The following DCUN1D5 variants were observed in gnomAD, a reference collection of about 807,000 sequenced individuals.
DCUN1D5 encodes the protein DCN1-like protein 5.
A neutral mutation model predicts 38.3 loss-of-function variants in DCUN1D5; 10 were observed. That is an observed-to-expected ratio of 0.26 (90% confidence interval 0.16 to 0.44). The LOEUF (loss-of-function observed/expected upper bound fraction) is 0.44. Among genes scored for constraint, DCUN1D5 ranks in the 20% least tolerant of loss-of-function variants. DCUN1D5 has a pLI of 1.00. For missense variants in DCUN1D5, 148 were observed against 275.3 expected, an observed-to-expected ratio of 0.54 and a Z score of 3.27; for synonymous variants, 93 against 90.9, an observed-to-expected ratio of 1.02 and a Z score of -0.13.
rs1298306752 is a variant in DCUN1D5 at position 103,086,002 on chromosome 11, G to A, written c.179-2676C>T. ...AAATATCACTCAAGAATGAGGTCTTGTGAAAGAACAAAACCAACAGCCTTA... is the reference window on the plus strand; with the variant it reads ...AAATATCACTCAAGAATGAGGTCTTATGAAAGAACAAAACCAACAGCCTTA... On this transcript the variant is annotated intron_variant, in intron 2 of 7. Coordinates refer to ENST00000260247, the MANE Select transcript of DCUN1D5 (RefSeq NM_032299.4). This position sits in a 1 kb window ranked among gnomAD's most constrained non-coding sequence, Gnocchi z 4.1. 6.6e-6 allele frequency among the ~76,000 whole-genome samples: 1 copy of A among 152,134 alleles called. No homozygotes were observed. Among genetic ancestry groups the A allele is most frequent in the African/African-American group, 2.4e-5 (1 of 41,414 alleles).
rs1448332498 is a variant in DCUN1D5 at position 103,091,935 on chromosome 11, G to A, written c.-63C>T. ...GGAAGGGGGTCCCTGTCCGCTGGAA[G>A]CCCCTCAGCGCTGGCACCCAGTTCC... On this transcript the variant is annotated 5_prime_UTR_variant, in exon 1 of 8. Transcript: ENST00000260247. The surrounding 1 kb of genome is among the most constrained non-coding windows in gnomAD (Gnocchi z 4.3). 11 of 1,465,000 alleles carry A rather than the reference G, an allele frequency of 7.5e-6. No individual in the cohort carries two copies. Among genetic ancestry groups the A allele is most frequent in the Non-Finnish European group, 9.3e-6 (10 of 1,076,818 alleles). 90.8% of individuals were successfully genotyped at this position (1,465,000 alleles called of 1,614,324 possible). A position where few individuals can be genotyped will look rare whatever the true frequency, so the allele number is the denominator to read the frequency against.
rs1220661077 is a variant in DCUN1D5 at position 103,051,326 on chromosome 11, G to T, written c.*11033C>A. The stretch of plus-strand genomic sequence containing the variant: ...CCTTCAGGAAACTTTTTTAAAAAAA[G>T]ATTTTCTGCATGGTTTATCTTGTGG... On this transcript the variant is annotated 3_prime_UTR_variant, in exon 8 of 8. Transcript: ENST00000260247. 1 of 152,158 alleles carries T rather than the reference G, an allele frequency of 6.6e-6. No individual in the cohort carries two copies. The highest frequency in any genetic ancestry group is 1.9e-4 in the East Asian group (1 of 5,184). 9.4% of individuals were successfully genotyped at this position (152,158 alleles called of 1,614,324 possible).
rs1862442615 is a variant in DCUN1D5 at position 103,077,563 on chromosome 11, TCAA to T, written c.341+5182_341+5184del. 6.6e-6 allele frequency among the ~76,000 whole-genome samples: 1 copy of T among 152,198 alleles called. No homozygotes were observed. The highest frequency in any genetic ancestry group is 1.5e-5 in the Non-Finnish European group (1 of 68,036). On this transcript the variant is annotated intron_variant, in intron 4 of 7. Transcript: ENST00000260247. The surrounding 1 kb of genome is among the most constrained non-coding windows in gnomAD (Gnocchi z 4.3). ...GAAAGAGAAGAAATGGGTATTAATT[TCAA>T]CGTTAGGACTCGGAAATTAATTTCC...
Position 103,071,506 on chromosome 11 carries a change from CTCTATA to C in DCUN1D5, c.342-4945_342-4940del, listed in dbSNP as rs1346727587. Among the ~76,000 whole-genome samples the C allele has an allele frequency of 2.3e-4, 35 of 149,916 alleles. No homozygotes were observed. Among genetic ancestry groups the C allele is most frequent in the East Asian group, 5.9e-4 (3 of 5,118 alleles). ...TATAATCTATATATAATTTTATATA[CTCTATA>C]TCTATATGATCTATAATCTATATAT... is the stretch of plus-strand genomic sequence containing the variant. On this transcript the variant is annotated intron_variant, in intron 4 of 7. Coordinates refer to ENST00000260247, the MANE Select transcript of DCUN1D5 (RefSeq NM_032299.4). The surrounding 1 kb of genome is among the most constrained non-coding windows in gnomAD (Gnocchi z 4.1).
Position 103,066,692 on chromosome 11 carries a change from A to C in DCUN1D5, c.342-125T>G, listed in dbSNP as rs1339231592. ...ATTTATGAAGTTAATTTAGTTTTAAAATTCTGAGTCACAAATTTAGAGTAA... is the reference window on the plus strand; with the variant it reads ...ATTTATGAAGTTAATTTAGTTTTAACATTCTGAGTCACAAATTTAGAGTAA... On this transcript the variant is annotated intron_variant, in intron 4 of 7. Transcript: ENST00000260247. This position sits in a 1 kb window ranked among gnomAD's most constrained non-coding sequence, Gnocchi z 4.7. 1.9e-6 allele frequency: 1 copy of C among 532,674 alleles called. No homozygotes were observed. The highest frequency in any genetic ancestry group is 3.2e-6 in the Non-Finnish European group (1 of 310,900). 33.0% of individuals were successfully genotyped at this position (532,674 alleles called of 1,614,324 possible).
At chr11:103,075,431 G>A (rs1323519955) in intron 4 of DCUN1D5, among the ~76,000 whole-genome samples, 2 of 152,096 alleles carry the variant, frequency 1.3e-5, no homozygotes, top group African/African-American at 2.4e-5. Flanking sequence ...GCCCAGGCTG[G>A]AGTGCAGAGG....
At chr11:103,072,288 T>C (rs1862290710) in intron 4 of DCUN1D5, among the ~76,000 whole-genome samples, 1 of 147,550 alleles carries the variant, frequency 6.8e-6, no homozygotes, top group Non-Finnish European at 1.5e-5. Context: ...GACTGTAAAC[T>C]AGTTCAACCA....
In DCUN1D5 at chr11:103,051,821, C is replaced by G. The variant is rs1861746075; in HGVS notation, c.*10538G>C. ...GAACACAGATCTCTGAACTCCAAAC[C>G]CAGGGCTCTTTCCAGCCTTCCTTAC... On this transcript the variant is annotated 3_prime_UTR_variant, in exon 8 of 8. Coordinates refer to ENST00000260247, the MANE Select transcript of DCUN1D5 (RefSeq NM_032299.4). 1 of 152,114 alleles carries G rather than the reference C, an allele frequency of 6.6e-6. No homozygotes were observed. The highest frequency in any genetic ancestry group is 2.4e-5 in the African/African-American group (1 of 41,424). The allele number at this position is 152,114 out of a possible 1,614,324, so 9.4% of individuals were successfully genotyped here.
rs1197825097 is a variant in DCUN1D5 at position 103,065,324 on chromosome 11, TG to T, written c.555+944del. On this transcript the variant is annotated intron_variant, in intron 6 of 7. Transcript: ENST00000260247. This position sits in a 1 kb window ranked among gnomAD's most constrained non-coding sequence, Gnocchi z 4.6. ...AAACCACCACACCCAGCTAATTTTT[TG>T]TGTGTATTTTTAGTAGAGACGGGGA... Among the ~76,000 whole-genome samples the T allele has an allele frequency of 2.5e-4, 38 of 152,074 alleles. 1 individual carries two copies. The South Asian group carries it at 7.5e-3, about 30-fold the overall frequency.
chr11:103,065,194 C>G lies in DCUN1D5; in HGVS notation c.556-817G>C, dbSNP rs1488030740. ...TGAGACAGAGTCTCGTTCTGTCACC[C>G]AGGCTGGAGTGTAGTGGTGCAATCT... is the stretch of plus-strand genomic sequence containing the variant. On this transcript the variant is annotated intron_variant, in intron 6 of 7. Coordinates refer to ENST00000260247, the MANE Select transcript of DCUN1D5 (RefSeq NM_032299.4). This position sits in a 1 kb window ranked among gnomAD's most constrained non-coding sequence, Gnocchi z 4.6. Among the ~76,000 whole-genome samples the G allele has an allele frequency of 3.3e-5, 5 of 151,772 alleles. No homozygotes were observed. Among genetic ancestry groups the G allele is most frequent in the African/African-American group, 9.7e-5 (4 of 41,310 alleles).
intron 1 of DCUN1D5, among the ~76,000 whole-genome samples, chr11:103,090,973 T>C (rs897867421): frequency 6.6e-6 from 1 of 152,228 alleles, no homozygotes; most frequent in African/African-American, 2.4e-5. Context: ...TTGCAGTTTT[T>C]TTGTAGCATA....
At position 103,066,459 on chromosome 11, in the gene DCUN1D5, C is replaced by T; in HGVS notation, c.450G>A (p.Arg150=). Reference sequence around the variant, plus strand: ...AACAAAACAAGAAAATTGCACCTACCCTTGCAAAATCAAAGGCATATCTGT... The same window carrying T: ...AACAAAACAAGAAAATTGCACCTACTCTTGCAAAATCAAAGGCATATCTGT... ...NIYRYAFDFA[R]DKDQRSLDID... Residue 150 remains arginine, a splice_region_variant and synonymous_variant, in exon 5 of 8, where the codon AGG becomes AGA. Coordinates refer to ENST00000260247, the MANE Select transcript of DCUN1D5 (RefSeq NM_032299.4). The surrounding 1 kb of genome is among the most constrained non-coding windows in gnomAD (Gnocchi z 4.7). 3.1e-6 allele frequency: 5 copies of T among 1,601,098 alleles called. No homozygotes were observed. Among genetic ancestry groups the T allele is most frequent in the Non-Finnish European group, 4.3e-6 (5 of 1,170,910 alleles).
At chr11:103,080,872 C>T (rs1045267798) in intron 4 of DCUN1D5, among the ~76,000 whole-genome samples, 3 of 151,972 alleles carry the variant, frequency 2.0e-5, no homozygotes, top group African/African-American at 7.2e-5. Context: ...ATTAGCCGGG[C>T]GTGGAGGCAC....
chr11:103,068,333 T>C (rs369869532), intron 4 of DCUN1D5, among the ~76,000 whole-genome samples: 1 of 152,176 alleles, frequency 6.6e-6, no homozygotes, highest in Non-Finnish European at 1.5e-5. Context: ...ATTGGATATA[T>C]ACCCAGAGGA....
rs1033140860 is a variant in DCUN1D5 at position 103,063,099 on chromosome 11, CA to C, written c.659-686del. ...GGTGGTCTTTTTCCATTGCTTTTGA[CA>C]GACATGTTTCTCTATCGTAAGAAAA... On this transcript the variant is annotated intron_variant, in intron 7 of 7. Transcript: ENST00000260247. This position sits in a 1 kb window ranked among gnomAD's most constrained non-coding sequence, Gnocchi z 4.6. 2.6e-5 allele frequency among the ~76,000 whole-genome samples: 4 copies of C among 152,022 alleles called. No homozygotes were observed. The highest frequency in any genetic ancestry group is 9.7e-5 in the African/African-American group (4 of 41,408).
In DCUN1D5 at chr11:103,083,374, A is replaced by T; in HGVS notation, c.179-48T>A. On this transcript the variant is annotated intron_variant, in intron 2 of 7. Transcript: ENST00000260247. The surrounding 1 kb of genome is among the most constrained non-coding windows in gnomAD (Gnocchi z 4.4). ...CATATTTTGTTATAATATCAACATA[A>T]AACATAAATCGTCATGCTAAAGGTA... is the stretch of plus-strand genomic sequence containing the variant. The T allele has an allele frequency of 1.1e-6, 1 of 921,670 alleles. No individual in the cohort carries two copies. The highest frequency in any genetic ancestry group is 1.7e-6 in the Non-Finnish European group (1 of 601,450). The allele number at this position is 921,670 out of a possible 1,614,324, so 57.1% of individuals were successfully genotyped here.
intron 4 of DCUN1D5, among the ~76,000 whole-genome samples, chr11:103,067,397 A>G (rs371344953): frequency 1.3e-5 from 2 of 152,148 alleles, no homozygotes; most frequent in African/African-American, 4.8e-5. Context: ...CCCAAATGCC[A>G]CTGCCATACT....
intron 4 of DCUN1D5, among the ~76,000 whole-genome samples, chr11:103,081,742 T>G (rs1048142374): frequency 3.9e-5 from 6 of 152,168 alleles, no homozygotes; most frequent in African/African-American, 1.4e-4. Flanking sequence ...TTGGTTCATA[T>G]GAGCAAAGGC....
chr11:103,082,354 G>GTGA (rs2134630284), intron 4 of DCUN1D5, among the ~76,000 whole-genome samples: 1 of 152,170 alleles, frequency 6.6e-6, no homozygotes, highest in East Asian at 1.9e-4. Context: ...AAATATTAAA[G>GTGA]TGAAGAAGGG....
Sources: gnomAD v4.1 joint callset for allele counts (sites outside exome capture counted in the v4.1 genomes callset) on GRCh38, gnomAD v4.1.1 for gene constraint, Gnocchi (gnomAD v3.1) non-coding constraint, MANE v1.5 for transcripts, NCBI Gene and HGNC (gene_info 2026-07-23, HGNC 2026-07-21) for gene names.